The following ADAMTS12 variants were observed in gnomAD, a reference collection of about 807,000 sequenced individuals.
ADAMTS12 encodes A disintegrin and metalloproteinase with thrombospondin motifs 12.
In ADAMTS12, 118 loss-of-function variants were observed where a neutral mutation model predicts 167.8. The ratio of observed to expected loss-of-function variants is 0.70; its 90% CI spans 0.61 to 0.82. The LOEUF is 0.82. Ranked by LOEUF, ADAMTS12 falls within the 40% of genes least tolerant of loss-of-function variation. The pLI, the probability that ADAMTS12 is intolerant of heterozygous loss-of-function variation, is 0.00. For missense variants in ADAMTS12, 1,916 were observed against 1,998.8 expected (o/e 0.96, Z 0.79); for synonymous variants, 704 against 716.9 (o/e 0.98, Z 0.29).
intron 19 of ADAMTS12, among the ~76,000 whole-genome samples, chr5:33,571,548 C>T (rs1031481893): frequency 1.8e-4 from 27 of 152,112 alleles, no homozygotes; most frequent in East Asian, 9.6e-4. Flanking sequence ...TTGAAACCAA[C>T]GAGAACAAAG....
At position 33,787,756 on chromosome 5, in the gene ADAMTS12, CT is replaced by C. The variant is rs1462965492; in HGVS notation, c.490-36209del. On this transcript the variant is annotated intron_variant, in intron 2 of 23. Transcript: ENST00000504830. Reference sequence around the variant, plus strand: ...TCCTCAATGTCCCATCCTTGGGGGTCTCTCAGACATGACTGGTTACAGAACA... The same window carrying C: ...TCCTCAATGTCCCATCCTTGGGGGTCCTCAGACATGACTGGTTACAGAACA... 2.6e-5 allele frequency among the ~76,000 whole-genome samples: 4 copies of C among 152,328 alleles called. No homozygotes were observed. In the South Asian group the frequency reaches 8.3e-4, roughly 32 times the overall value.
At chr5:33,672,394 A>G (rs1479988808) in intron 5 of ADAMTS12, among the ~76,000 whole-genome samples, 1 of 152,070 alleles carries the variant, frequency 6.6e-6, no homozygotes, top group African/African-American at 2.4e-5. Context: ...CTACATCCAC[A>G]CACTCACACA....
At chr5:33,658,376 T>C (rs1200883750) in intron 6 of ADAMTS12, 43 bp from the exon 7 acceptor site, 3 of 1,600,600 alleles carry the variant, frequency 1.9e-6, no homozygotes, top group Non-Finnish European at 1.7e-6. Flanking sequence ...CAAAGGAACA[T>C]CTGGAAAAAC....
chr5:33,701,650 C>T (rs575511893), intron 3 of ADAMTS12, among the ~76,000 whole-genome samples: 2 of 152,296 alleles, frequency 1.3e-5, no homozygotes, highest in East Asian at 3.9e-4. Flanking sequence ...CTCATCCAGG[C>T]CATGGCAAAG....
intron 17 of ADAMTS12, among the ~76,000 whole-genome samples, chr5:33,592,394 T>TA (rs1747690074): frequency 6.6e-6 from 1 of 152,190 alleles, no homozygotes; most frequent in Non-Finnish European, 1.5e-5. Flanking sequence ...TGCCAGAGTT[T>TA]AAAAAAATCA....
At chr5:33,755,992 C>G (rs1327105459) in intron 2 of ADAMTS12, among the ~76,000 whole-genome samples, 1 of 152,104 alleles carries the variant, frequency 6.6e-6, no homozygotes, top group Non-Finnish European at 1.5e-5. Context: ...AAATAGCACC[C>G]CAAAAATTCC....
intron 2 of ADAMTS12, among the ~76,000 whole-genome samples, chr5:33,838,226 A>G (rs531073020): frequency 6.6e-6 from 1 of 152,256 alleles, no homozygotes; most frequent in Non-Finnish European, 1.5e-5. Context: ...AAAGACATTC[A>G]ATAACAAGAA....
intron 2 of ADAMTS12, among the ~76,000 whole-genome samples, chr5:33,847,494 A>G (rs1023183386): frequency 6.6e-6 from 1 of 152,200 alleles, no homozygotes; most frequent in East Asian, 1.9e-4. Flanking sequence ...AAGGTGGCAC[A>G]TGCCTATAAT....
intron 2 of ADAMTS12, among the ~76,000 whole-genome samples, chr5:33,862,835 C>T (rs1749672227): frequency 2.0e-5 from 3 of 152,192 alleles, no homozygotes; most frequent in South Asian, 4.2e-4. Flanking sequence ...CATCAAAAAG[C>T]TTATCCACCA....
At chr5:33,543,432 G>T (rs391415) in intron 22 of ADAMTS12, among the ~76,000 whole-genome samples, 48,446 of 151,950 alleles carry the variant, frequency 0.32, 9,126 homozygotes, top group East Asian at 0.74. Flanking sequence ...TCTACCAGAG[G>T]TACAAAGAGG....
intron 18 of ADAMTS12, among the ~76,000 whole-genome samples, chr5:33,578,481 T>TAA (rs1746877031): frequency 1.3e-5 from 2 of 152,318 alleles, no homozygotes; most frequent in South Asian, 4.1e-4. Flanking sequence ...TTTGATTTAT[T>TAA]AAAAGCTATC....
At chr5:33,616,181 G>A (rs1319760062) in intron 14 of ADAMTS12, 109 bp from the exon 15 acceptor site, 4 of 1,447,420 alleles carry the variant, frequency 2.8e-6, no homozygotes, top group Non-Finnish European at 3.7e-6. Context: ...ATCATTTAGT[G>A]ACCTTGCTGG....
At chr5:33,847,448 C>A (rs904914927) in intron 2 of ADAMTS12, among the ~76,000 whole-genome samples, 1 of 151,964 alleles carries the variant, frequency 6.6e-6, no homozygotes, top group African/African-American at 2.4e-5. Context: ...CATGGAGAAA[C>A]CCCGTCTCTA....
intron 22 of ADAMTS12, among the ~76,000 whole-genome samples, chr5:33,541,275 A>T (rs2111786764): frequency 6.6e-6 from 1 of 152,356 alleles, no homozygotes; most frequent in South Asian, 2.1e-4. Flanking sequence ...TGAGAAGACA[A>T]GTTTAGAGAT....
At chr5:33,616,612 T>A (rs1163513267) in intron 14 of ADAMTS12, among the ~76,000 whole-genome samples, 1 of 152,260 alleles carries the variant, frequency 6.6e-6, no homozygotes, top group Non-Finnish European at 1.5e-5. Flanking sequence ...CTATCTTGAA[T>A]ACAGCCTATG....
intron 2 of ADAMTS12, among the ~76,000 whole-genome samples, chr5:33,751,894 C>T (rs1744999680): frequency 6.6e-6 from 1 of 152,212 alleles, no homozygotes; most frequent in Non-Finnish European, 1.5e-5. Flanking sequence ...AGACCCAGTG[C>T]TTCCCAGTTG....
chr5:33,601,005 C>G (rs1166487664), intron 16 of ADAMTS12, among the ~76,000 whole-genome samples: 1 of 151,812 alleles, frequency 6.6e-6, no homozygotes, highest in Non-Finnish European at 1.5e-5. Context: ...GGTTTCTTCA[C>G]CTGTTTTCAT....
chr5:33,867,524 G>A (rs1450440344), intron 2 of ADAMTS12, among the ~76,000 whole-genome samples: 1 of 151,914 alleles, frequency 6.6e-6, no homozygotes, highest in Non-Finnish European at 1.5e-5. Context: ...ACACTAGTTG[G>A]GTGATGCGTG....
chr5:33,732,431 T>C (rs956512034), intron 3 of ADAMTS12, among the ~76,000 whole-genome samples: 7 of 152,160 alleles, frequency 4.6e-5, no homozygotes, highest in Admixed American at 3.9e-4. Flanking sequence ...ATACTTAATC[T>C]CTTAAGTGCC....
Sources: allele counts gnomAD v4.1 joint callset (sites outside exome capture counted in the v4.1 genomes callset), GRCh38; gene constraint gnomAD v4.1.1; transcripts MANE v1.5; gene names NCBI Gene and HGNC (gene_info 2026-07-23, HGNC 2026-07-21).